The following TEX14 variants were observed in gnomAD, a reference collection of about 807,000 sequenced individuals.
TEX14 encodes the protein testis expressed 14, intercellular bridge forming factor, also known as inactive serine/threonine-protein kinase TEX14.
In TEX14, 168 loss-of-function variants were observed where a neutral mutation model predicts 178.6. The ratio of observed to expected loss-of-function variants is 0.94; its 90% confidence interval spans 0.83 to 1.07. TEX14 has a LOEUF of 1.07. TEX14 is among the 50% of genes least tolerant of loss of function. The pLI is 0.00. For missense variants in TEX14, 1,730 were observed against 1,753.6 expected, an observed-to-expected ratio of 0.99 and a Z score of 0.24; for synonymous variants, 626 against 634.1, an observed-to-expected ratio of 0.99 and a Z score of 0.19.
intron 1 of TEX14, chr17:58,659,247 T>G (rs1008456276): frequency 3.3e-6 from 2 of 605,710 alleles, no homozygotes; most frequent in African/African-American, 6.0e-5. Context: ...GTAAAAACCC[T>G]CCCCCAAGAA....
intron 1 of TEX14, among the ~76,000 whole-genome samples, chr17:58,689,514 C>T (rs2047656575): frequency 6.6e-6 from 1 of 152,220 alleles, no homozygotes; most frequent in African/African-American, 2.4e-5. Context: ...CCACCGTGCC[C>T]GGCCTACCCC....
rs1461888144 is a variant in TEX14, at chr17:58,691,995, C to T, written c.-58G>A. 1 of 153,718 alleles carries T rather than the reference C, an allele frequency of 6.5e-6. No homozygotes were observed. Among genetic ancestry groups the T allele is most frequent in the Non-Finnish European group, 1.4e-5 (1 of 69,196 alleles). 9.5% of individuals were successfully genotyped at this position (153,718 alleles called of 1,614,324 possible). ...ATGAAGAAATAACGGTCTCAGTAAC[C>T]TCCATGCTCGGGATACGACTCCCGG... On this transcript the variant is annotated 5_prime_UTR_variant, in exon 1 of 32. Coordinates refer to ENST00000349033, the MANE Select transcript of TEX14 (RefSeq NM_031272.5).
intron 1 of TEX14, among the ~76,000 whole-genome samples, chr17:58,666,976 C>G (rs1291252839): frequency 6.6e-6 from 1 of 152,190 alleles, no homozygotes; most frequent in African/African-American, 2.4e-5. Context: ...CATCTCGGCC[C>G]GCTTCCAACC....
At chr17:58,691,711 C>T (rs1354760675) in intron 1 of TEX14, among the ~76,000 whole-genome samples, 1 of 149,558 alleles carries the variant, frequency 6.7e-6, no homozygotes, top group African/African-American at 2.5e-5. Context: ...GAATAAGTTA[C>T]CCCCTGCTAA....
At chr17:58,561,695 A>G in intron 28 of TEX14, 83 bp from the exon 29 acceptor site, 1 of 898,972 alleles carries the variant, frequency 1.1e-6, no homozygotes, top group Non-Finnish European at 1.8e-6. Flanking sequence ...TTTAGAGTAG[A>G]AAGGGACCTT....
chr17:58,603,903 GTGTGTGTGTGT>G, intron 11 of TEX14, among the ~76,000 whole-genome samples: 1 of 122,268 alleles, frequency 8.2e-6, no homozygotes, highest in Non-Finnish European at 1.8e-5. Flanking sequence ...GTGTGTGTGT[GTGTGTGTGTGT>G]GTGTGTGTGT....
At chr17:58,638,280 G>A (rs185121155) in intron 2 of TEX14, among the ~76,000 whole-genome samples, 5 of 151,930 alleles carry the variant, frequency 3.3e-5, no homozygotes, top group Admixed American at 2.6e-4. Context: ...AGGCCAACCC[G>A]GGACACTTGC....
At chr17:58,633,286 G>C (rs1420300496) in intron 2 of TEX14, among the ~76,000 whole-genome samples, 1 of 152,134 alleles carries the variant, frequency 6.6e-6, no homozygotes, top group South Asian at 2.1e-4. Context: ...TCTTCTATGT[G>C]ATCATTTGAT....
At chr17:58,661,368 G>T in intron 1 of TEX14, 1 of 925,266 alleles carries the variant, frequency 1.1e-6, no homozygotes, top group Non-Finnish European at 1.8e-6. Flanking sequence ...AGGTACTTCA[G>T]GTCGGTGGAA....
chr17:58,587,847 A>ACCCCCCCCCCCCCCC, intron 16 of TEX14, 49 bp downstream of exon 16: 1 of 621,338 alleles, frequency 1.6e-6, no homozygotes, highest in African/African-American at 2.2e-5. Flanking sequence ...GCCAGAACCC[A>ACCCCCCCCCCCCCCC]CCCCCACCCC....
At chr17:58,641,303 G>A (rs972188129) in intron 2 of TEX14, among the ~76,000 whole-genome samples, 3 of 151,622 alleles carry the variant, frequency 2.0e-5, no homozygotes, top group Non-Finnish European at 4.4e-5. Context: ...CCAGCTACTC[G>A]GGAGGCTGAG....
At chr17:58,603,899 G>C (rs2045539479) in intron 11 of TEX14, among the ~76,000 whole-genome samples, 1 of 55,922 alleles carries the variant, frequency 1.8e-5, no homozygotes, top group East Asian at 2.7e-4. Flanking sequence ...GTGTGTGTGT[G>C]TGTGTGTGTG....
At chr17:58,691,593 G>T (rs2047725743) in intron 1 of TEX14, among the ~76,000 whole-genome samples, 1 of 149,920 alleles carries the variant, frequency 6.7e-6, no homozygotes, top group Non-Finnish European at 1.5e-5. Context: ...CTTGAACCCG[G>T]GAGGCGAAGG....
chr17:58,690,148 T>G (rs1486242340), intron 1 of TEX14, among the ~76,000 whole-genome samples: 1 of 149,766 alleles, frequency 6.7e-6, no homozygotes, highest in African/African-American at 2.5e-5. Flanking sequence ...TGAGTGGGGG[T>G]TTTTTTGTTT....
At chr17:58,663,620 C>T (rs977471923) in intron 1 of TEX14, among the ~76,000 whole-genome samples, 1 of 151,912 alleles carries the variant, frequency 6.6e-6, no homozygotes, top group Non-Finnish European at 1.5e-5. Context: ...GGATGCACCA[C>T]CACGCCTGGC....
At chr17:58,574,862 G>C (rs923646936) in intron 21 of TEX14, among the ~76,000 whole-genome samples, 1 of 151,890 alleles carries the variant, frequency 6.6e-6, no homozygotes, top group Non-Finnish European at 1.5e-5. Flanking sequence ...AAAATCAACA[G>C]AGCACAGGAA....
rs1416344014 is a variant in TEX14 at position 58,599,324 on chromosome 17, A to G, written c.2021T>C (p.Phe674Ser). Reference protein sequence around the residue: ...LDKMEREACCFGSEDESSSKA... With the variant: ...LDKMEREACCSGSEDESSSKA... ...TGAAGAGCTCTCATCCTCACTGCCA[A>G]AACAACACGCCTCTCTCTCCATCTT... Residue 674 changes from phenylalanine to serine, a missense_variant, in exon 14 of 32, where the codon TTT becomes TCT. Coordinates refer to ENST00000349033, the MANE Select transcript of TEX14 (RefSeq NM_031272.5). 1.9e-6 allele frequency: 3 copies of G among 1,613,810 alleles called. No individual in the cohort carries two copies. Among genetic ancestry groups the G allele is most frequent in the African/African-American group, 2.7e-5 (2 of 75,032 alleles).
rs34422419 is a variant in TEX14, at chr17:58,624,341, C to CTTTTTT, written c.252-1335_252-1330dup. 1.2e-4 allele frequency among the ~76,000 whole-genome samples: 15 copies of CTTTTTT among 128,618 alleles called. 1 individual carries two copies. Among genetic ancestry groups the CTTTTTT allele is most frequent in the Non-Finnish European group, 2.1e-4 (13 of 60,584 alleles). The allele number at this position is 128,618 out of a possible 152,430, so 84.4% of individuals were successfully genotyped here. On this transcript the variant is annotated intron_variant, in intron 3 of 31. Coordinates refer to ENST00000349033, the MANE Select transcript of TEX14 (RefSeq NM_031272.5). ...TACATATTTTCTTTTCTTTTCTTTT[C>CTTTTTT]TTTTTTTTTTTTTTTTGAGACGGAG...
At chr17:58,679,456 G>A (rs879046185) in intron 1 of TEX14, 8 of 152,076 alleles carry the variant, frequency 5.3e-5, no homozygotes, top group Non-Finnish European at 7.3e-5. Context: ...CAAAACAGGA[G>A]GTTACAATAT....
Sources: allele counts gnomAD v4.1 joint callset (sites outside exome capture counted in the v4.1 genomes callset), GRCh38; gene constraint gnomAD v4.1.1; transcripts MANE v1.5; gene names NCBI Gene and HGNC (gene_info 2026-07-23, HGNC 2026-07-21).